Variants in DPP10 observed in about 807,000 individuals in gnomAD.
DPP10 encodes inactive dipeptidyl peptidase 10.
DPP10 carries 33 observed loss-of-function variants against 120.9 expected under a neutral mutation model. The observed-to-expected ratio is 0.27, with a 90% CI of 0.21 to 0.37. DPP10 has a LOEUF of 0.37. DPP10 is among the 10% of genes least tolerant of loss of function. The pLI is 1.00. For missense variants in DPP10, 816 were observed against 942.8 expected (o/e 0.87, Z 1.76); for synonymous variants, 337 against 326.1 (o/e 1.03, Z -0.36).
intron 1 of DPP10, among the ~76,000 whole-genome samples, chr2:114,826,332 T>A (rs1686530190): frequency 6.6e-6 from 1 of 152,192 alleles, no homozygotes. Context: ...GTTAGAATTA[T>A]TTCTGTCTCA....
chr2:114,699,964 G>T (rs1370039686), intron 1 of DPP10, among the ~76,000 whole-genome samples: 1 of 152,062 alleles, frequency 6.6e-6, no homozygotes, highest in East Asian at 1.9e-4. Context: ...AACTTTACTG[G>T]CTACCGTGAA....
At chr2:114,839,279 T>A (rs1687973895) in intron 1 of DPP10, among the ~76,000 whole-genome samples, 1 of 152,202 alleles carries the variant, frequency 6.6e-6, no homozygotes, top group African/African-American at 2.4e-5. Flanking sequence ...AACTTCCCTG[T>A]GACCTTAGAG....
chr2:115,117,774 G>T (rs568169471), intron 1 of DPP10, among the ~76,000 whole-genome samples: 1 of 152,192 alleles, frequency 6.6e-6, no homozygotes, highest in South Asian at 2.1e-4. Context: ...GCTATAAAAA[G>T]AAACAGATAC....
chr2:115,265,613 A>G (rs766089689), intron 1 of DPP10, among the ~76,000 whole-genome samples: 5 of 152,128 alleles, frequency 3.3e-5, no homozygotes, highest in Non-Finnish European at 7.3e-5. Context: ...GTTGGTAGCC[A>G]CTCACTAAAT....
At chr2:115,388,372 C>G (rs2067098472) in intron 3 of DPP10, among the ~76,000 whole-genome samples, 1 of 152,124 alleles carries the variant, frequency 6.6e-6, no homozygotes, top group Non-Finnish European at 1.5e-5. Context: ...GAAACTGATT[C>G]CTCTTGCAGG....
intron 1 of DPP10, among the ~76,000 whole-genome samples, chr2:114,756,905 C>T (rs1470378245): frequency 6.6e-6 from 1 of 152,098 alleles, no homozygotes; most frequent in Non-Finnish European, 1.5e-5. Flanking sequence ...AAGGAAGCCC[C>T]GTTGAGGTAT....
chr2:115,012,102 C>T (rs1264689252), intron 1 of DPP10, among the ~76,000 whole-genome samples: 3 of 152,100 alleles, frequency 2.0e-5, no homozygotes, highest in African/African-American at 2.4e-5. Context: ...GAGAACCACA[C>T]CCCGTCCTCC....
chr2:115,816,671 C>T (rs1687265612), intron 21 of DPP10, among the ~76,000 whole-genome samples: 1 of 143,022 alleles, frequency 7.0e-6, no homozygotes, highest in Non-Finnish European at 1.5e-5. Context: ...GGCTGGAGTG[C>T]AGTGGCGCGA....
At chr2:115,122,587 T>C (rs1291504043) in intron 1 of DPP10, among the ~76,000 whole-genome samples, 1 of 152,228 alleles carries the variant, frequency 6.6e-6, no homozygotes, top group Non-Finnish European at 1.5e-5. Context: ...GACACATCTA[T>C]GAGAAAGCCC....
intron 1 of DPP10, among the ~76,000 whole-genome samples, chr2:115,154,737 C>A (rs188683064): frequency 2.0e-5 from 3 of 152,088 alleles, no homozygotes; most frequent in African/African-American, 7.2e-5. Context: ...TACCCACCAC[C>A]CCCTGAGCAC....
chr2:115,051,499 T>G (rs1705480036), intron 1 of DPP10, among the ~76,000 whole-genome samples: 1 of 152,136 alleles, frequency 6.6e-6, no homozygotes, highest in Non-Finnish European at 1.5e-5. Context: ...TAATGGACAC[T>G]AGACAGCTAC....
intron 1 of DPP10, among the ~76,000 whole-genome samples, chr2:115,259,484 C>CAA (rs563035188): frequency 4.6e-5 from 5 of 107,592 alleles, no homozygotes; most frequent in East Asian, 5.5e-4. Context: ...AACTTCATCT[C>CAA]AAAAAAAAAA....
At chr2:114,693,304 C>T (rs979444276) in intron 1 of DPP10, among the ~76,000 whole-genome samples, 1 of 151,878 alleles carries the variant, frequency 6.6e-6, no homozygotes, top group African/African-American at 2.4e-5. Context: ...ATTTGCTTGT[C>T]TGTAAAGGAT....
chr2:114,824,335 G>C (rs1292121323), intron 1 of DPP10, among the ~76,000 whole-genome samples: 1 of 152,150 alleles, frequency 6.6e-6, no homozygotes, highest in Admixed American at 6.5e-5. Flanking sequence ...ATAACACTGG[G>C]CTGTGTGCCT....
intron 1 of DPP10, among the ~76,000 whole-genome samples, chr2:114,855,746 T>TA (rs2106507284): frequency 6.6e-6 from 1 of 152,314 alleles, no homozygotes; most frequent in East Asian, 1.9e-4. Context: ...GAGACAATTT[T>TA]AAAATCCCAT....
At position 115,768,624 on chromosome 2, in the gene DPP10, A is replaced by G. The variant is rs11898029; in HGVS notation, c.1221+220A>G. On this transcript the variant is annotated intron_variant, in intron 13 of 25. Transcript: ENST00000410059. ...CACTCAGTACAATTTAATGAGTTAC[A>G]TGTGTGTCCTATGAACTGAGGGCTT... Among the ~76,000 whole-genome samples, 102 of 152,296 alleles carry G rather than the reference A, an allele frequency of 6.7e-4. 2 individuals are homozygous for G. The highest frequency in any genetic ancestry group is 2.3e-3 in the African/African-American group (96 of 41,572).
At chr2:115,824,152 C>A (rs757563552) in intron 21 of DPP10, among the ~76,000 whole-genome samples, 10 of 152,186 alleles carry the variant, frequency 6.6e-5, no homozygotes, top group South Asian at 4.1e-4. Context: ...TATACACCTC[C>A]ATAAAGCCAA....
At chr2:114,649,103 T>C (rs1696368869) in intron 1 of DPP10, among the ~76,000 whole-genome samples, 1 of 152,196 alleles carries the variant, frequency 6.6e-6, no homozygotes, top group African/African-American at 2.4e-5. Context: ...TATTTTCCAG[T>C]ACCAGGAAAA....
At chr2:115,501,063 G>A (rs1238503347) in intron 4 of DPP10, among the ~76,000 whole-genome samples, 1 of 151,882 alleles carries the variant, frequency 6.6e-6, no homozygotes, top group Non-Finnish European at 1.5e-5. Flanking sequence ...TTAGTTTGGG[G>A]AACAAAAATT....
Sources: allele counts gnomAD v4.1 joint callset (sites outside exome capture counted in the v4.1 genomes callset), GRCh38; gene constraint gnomAD v4.1.1; transcripts MANE v1.5; gene names NCBI Gene and HGNC (gene_info 2026-07-23, HGNC 2026-07-21).